LRRTM4: variants seen among roughly 807,000 people sequenced by gnomAD.
LRRTM4 encodes leucine-rich repeat transmembrane neuronal protein 4.
In LRRTM4, 25 loss-of-function variants were observed where a neutral mutation model predicts 47.6. The ratio of observed to expected loss-of-function variants is 0.53; its 90% CI spans 0.38 to 0.73. The LOEUF (loss-of-function observed/expected upper bound fraction) is 0.73, where lower values mean the gene tolerates loss of function less well. Ranked by LOEUF, LRRTM4 falls within the 30% of genes least tolerant of loss-of-function variation. LRRTM4 has a pLI of 0.00. For missense variants in LRRTM4, 638 were observed against 713.4 expected, an observed-to-expected ratio of 0.89 and a Z score of 1.20; for synonymous variants, 311 against 269.5, an observed-to-expected ratio of 1.15 and a Z score of -1.51.
chr2:77,065,040 C>T (rs947230464), intron 3 of LRRTM4, among the ~76,000 whole-genome samples: 1 of 152,014 alleles, frequency 6.6e-6, no homozygotes, highest in Non-Finnish European at 1.5e-5. Context: ...TTTAACATAT[C>T]GATTCAACAC....
intron 3 of LRRTM4, among the ~76,000 whole-genome samples, chr2:76,762,479 A>G (rs1304286356): frequency 6.6e-6 from 1 of 152,194 alleles, no homozygotes; most frequent in East Asian, 1.9e-4. Context: ...CCTTCACCCC[A>G]AACTACTTCA....
chr2:77,012,883 T>C (rs1677925890), intron 3 of LRRTM4, among the ~76,000 whole-genome samples: 1 of 152,178 alleles, frequency 6.6e-6, no homozygotes, highest in Non-Finnish European at 1.5e-5. Context: ...CTACCTAAAA[T>C]ACTATTAATA....
chr2:76,937,448 G>A (rs1674994514), intron 3 of LRRTM4, among the ~76,000 whole-genome samples: 1 of 152,200 alleles, frequency 6.6e-6, no homozygotes, highest in Non-Finnish European at 1.5e-5. Flanking sequence ...TCTAATCTTT[G>A]AAGAGAACTT....
At chr2:77,393,247 T>C (rs1468718760) in intron 3 of LRRTM4, among the ~76,000 whole-genome samples, 2 of 151,948 alleles carry the variant, frequency 1.3e-5, no homozygotes, top group African/African-American at 4.8e-5. Context: ...AAACACATGG[T>C]TATATTTAGC....
chr2:76,901,618 G>C (rs1216184192), intron 3 of LRRTM4, among the ~76,000 whole-genome samples: 1 of 152,092 alleles, frequency 6.6e-6, no homozygotes, highest in Non-Finnish European at 1.5e-5. Context: ...AGACTTTTCT[G>C]TTTAATTGAG....
At chr2:77,140,792 C>G (rs1360327971) in intron 3 of LRRTM4, among the ~76,000 whole-genome samples, 4 of 151,972 alleles carry the variant, frequency 2.6e-5, no homozygotes. Flanking sequence ...AAAAACAACC[C>G]CATCAAAAAG....
intron 3 of LRRTM4, among the ~76,000 whole-genome samples, chr2:76,933,500 A>T (rs1267377954): frequency 6.6e-6 from 1 of 152,146 alleles, no homozygotes; most frequent in Non-Finnish European, 1.5e-5. Flanking sequence ...TGGGGTATGT[A>T]AAAAGAGAGA....
At chr2:77,463,151 G>T (rs914978393) in intron 3 of LRRTM4, among the ~76,000 whole-genome samples, 2 of 151,930 alleles carry the variant, frequency 1.3e-5, no homozygotes, top group African/African-American at 4.8e-5. Context: ...TAGGCTGTAT[G>T]GTATAGCCTG....
chr2:77,425,908 G>A (rs376251144), intron 3 of LRRTM4, among the ~76,000 whole-genome samples: 165 of 151,788 alleles, frequency 1.1e-3, no homozygotes, highest in African/African-American at 3.9e-3. Context: ...CTTGAGACCA[G>A]GTATTTGAGA....
rs79289587 is a variant in LRRTM4 at position 77,353,352 on chromosome 2, T to C, written c.1551+164966A>G. 3.8e-3 allele frequency among the ~76,000 whole-genome samples: 575 copies of C among 152,338 alleles called. 5 individuals carry two copies. The highest frequency in any genetic ancestry group is 0.013 in the African/African-American group (545 of 41,580). On this transcript the variant is annotated intron_variant, in intron 3 of 3. Coordinates refer to ENST00000409884, the MANE Select transcript of LRRTM4 (RefSeq NM_001134745.3). ...CAGCACACTGCCTGTGGGGTAGCCC[T>C]GCTACAAAGATATACCTTTGTTGTG... is the stretch of plus-strand genomic sequence containing the variant.
rs375941546 is a variant in LRRTM4 at position 77,308,801 on chromosome 2, T to C, written c.1551+209517A>G. On this transcript the variant is annotated intron_variant, in intron 3 of 3. Transcript: ENST00000409884. Reference sequence around the variant, plus strand: ...CTGTTTTATTTGGTTTGTTTTTGTTTTTGCTTTTGGTAGCAGCCTCTATCC... The same window carrying C: ...CTGTTTTATTTGGTTTGTTTTTGTTCTTGCTTTTGGTAGCAGCCTCTATCC... 1.6e-4 allele frequency among the ~76,000 whole-genome samples: 24 copies of C among 152,154 alleles called. No individual in the cohort carries two copies. The South Asian group carries it at 4.6e-3, about 29-fold the overall frequency.
At chr2:76,780,452 G>T (rs1009326253) in intron 3 of LRRTM4, among the ~76,000 whole-genome samples, 1 of 152,058 alleles carries the variant, frequency 6.6e-6, no homozygotes, top group Non-Finnish European at 1.5e-5. Flanking sequence ...TGGAGGCTTT[G>T]CTCATTTCTT....
intron 3 of LRRTM4, among the ~76,000 whole-genome samples, chr2:77,335,050 T>G (rs1312242426): frequency 1.3e-5 from 2 of 152,188 alleles, no homozygotes; most frequent in African/African-American, 4.8e-5. Flanking sequence ...TTTCTCATTT[T>G]AATGCCTCTA....
At chr2:77,053,419 A>G (rs1312374827) in intron 3 of LRRTM4, among the ~76,000 whole-genome samples, 1 of 152,186 alleles carries the variant, frequency 6.6e-6, no homozygotes, top group Non-Finnish European at 1.5e-5. Context: ...AAATCAATAT[A>G]TATTATAAGG....
chr2:76,976,961 G>C (rs1047606365), intron 3 of LRRTM4, among the ~76,000 whole-genome samples: 1 of 151,588 alleles, frequency 6.6e-6, no homozygotes, highest in African/African-American at 2.4e-5. Context: ...CCATAGATAT[G>C]TACATTATGT....
chr2:77,184,314 T>G (rs1673439357), intron 3 of LRRTM4, among the ~76,000 whole-genome samples: 1 of 152,078 alleles, frequency 6.6e-6, no homozygotes, highest in African/African-American at 2.4e-5. Context: ...GCCCAAAGGT[T>G]TCAATATTTT....
intron 3 of LRRTM4, among the ~76,000 whole-genome samples, chr2:77,080,199 T>C (rs572743662): frequency 1.3e-5 from 2 of 152,340 alleles, no homozygotes; most frequent in South Asian, 4.1e-4. Context: ...TGAAATTCTT[T>C]CTGTACTTGG....
chr2:77,394,295 T>C (rs1673617332), intron 3 of LRRTM4, among the ~76,000 whole-genome samples: 1 of 152,054 alleles, frequency 6.6e-6, no homozygotes, highest in African/African-American at 2.4e-5. Context: ...ATAATCATTA[T>C]AGCATTAGTG....
At chr2:77,278,920 A>T (rs1676438179) in intron 3 of LRRTM4, among the ~76,000 whole-genome samples, 1 of 151,982 alleles carries the variant, frequency 6.6e-6, no homozygotes, top group Non-Finnish European at 1.5e-5. Flanking sequence ...ACTTTGGCTC[A>T]AAACCATGAG....
Sources: gnomAD v4.1 joint callset for allele counts (sites outside exome capture counted in the v4.1 genomes callset) on GRCh38, gnomAD v4.1.1 for gene constraint, MANE v1.5 for transcripts, NCBI Gene and HGNC (gene_info 2026-07-23, HGNC 2026-07-21) for gene names.